The following SLC12A8 variants were observed in gnomAD, a reference collection of about 807,000 sequenced individuals.
SLC12A8 encodes cation-chloride cotransporter 9.
In SLC12A8, 69 loss-of-function variants were observed where a neutral mutation model predicts 75.6. The ratio of observed to expected loss-of-function variants is 0.91; its 90% CI spans 0.75 to 1.11. The LOEUF (loss-of-function observed/expected upper bound fraction) is 1.11. Ranked by LOEUF, SLC12A8 falls within the 50% of genes most tolerant of loss-of-function variation. The pLI is 0.00. For missense variants in SLC12A8, 877 were observed against 896.7 expected (o/e 0.98, Z 0.28); for synonymous variants, 365 against 372.8 (o/e 0.98, Z 0.24).
At chr3:125,167,116 G>A (rs1247875624) in intron 5 of SLC12A8, among the ~76,000 whole-genome samples, 1 of 151,758 alleles carries the variant, frequency 6.6e-6, no homozygotes, top group African/African-American at 2.4e-5. Flanking sequence ...ACTCTTTCCT[G>A]TATACTTGAA....
chr3:125,207,881 A>T (rs1397525806), intron 2 of SLC12A8, among the ~76,000 whole-genome samples: 1 of 152,180 alleles, frequency 6.6e-6, no homozygotes, highest in Non-Finnish European at 1.5e-5. Context: ...CCAATCATCA[A>T]ATGAGCATTT....
intron 2 of SLC12A8, among the ~76,000 whole-genome samples, chr3:125,207,596 C>T (rs374523313): frequency 1.3e-5 from 2 of 152,220 alleles, no homozygotes; most frequent in African/African-American, 4.8e-5. Flanking sequence ...ACGCTAAGAG[C>T]ATGAGATTCT....
At chr3:125,204,260 A>T (rs377246639) in intron 2 of SLC12A8, among the ~76,000 whole-genome samples, 6 of 152,368 alleles carry the variant, frequency 3.9e-5, no homozygotes, top group African/African-American at 1.4e-4. Flanking sequence ...GGAAATGAGT[A>T]TATCAAAGGG....
chr3:125,172,870 T>C (rs1307208933), intron 5 of SLC12A8, among the ~76,000 whole-genome samples: 1 of 152,176 alleles, frequency 6.6e-6, no homozygotes, highest in African/African-American at 2.4e-5. Flanking sequence ...TTAAAAAAAC[T>C]TTTTTTCTGA....
At chr3:125,199,492 A>T (rs1332039018) in intron 2 of SLC12A8, among the ~76,000 whole-genome samples, 1 of 152,166 alleles carries the variant, frequency 6.6e-6, no homozygotes, top group African/African-American at 2.4e-5. Flanking sequence ...CTGTAATTCC[A>T]ACACTTTAGG....
chr3:125,153,424 C>T (rs1933977843), intron 5 of SLC12A8, among the ~76,000 whole-genome samples: 1 of 152,186 alleles, frequency 6.6e-6, no homozygotes. Flanking sequence ...ATATCTGATG[C>T]CTTGTTTTGT....
chr3:125,159,221 A>G (rs1934110733), intron 5 of SLC12A8, among the ~76,000 whole-genome samples: 1 of 152,174 alleles, frequency 6.6e-6, no homozygotes, highest in Non-Finnish European at 1.5e-5. Flanking sequence ...GAATACATGT[A>G]CCTAATTTCG....
chr3:125,114,968 C>T (rs1337093572), intron 8 of SLC12A8, among the ~76,000 whole-genome samples: 2 of 152,144 alleles, frequency 1.3e-5, no homozygotes, highest in African/African-American at 4.8e-5. Context: ...TCTGGCTTTT[C>T]TATTAAATAT....
chr3:125,156,756 GGACAATTGC>G (rs1934060151), intron 5 of SLC12A8, among the ~76,000 whole-genome samples: 1 of 152,170 alleles, frequency 6.6e-6, no homozygotes, highest in Admixed American at 6.5e-5. Flanking sequence ...TCTCTAGACT[GGACAATTGC>G]AACCACGTTT....
chr3:125,197,929 G>A (rs140058554), intron 2 of SLC12A8, among the ~76,000 whole-genome samples: 1 of 152,320 alleles, frequency 6.6e-6, no homozygotes, highest in East Asian at 1.9e-4. Context: ...TAGTCTCAAA[G>A]CATCTACAAA....
At chr3:125,091,373 C>A in intron 12 of SLC12A8, 66 bp downstream of exon 12, 1 of 1,060,538 alleles carries the variant, frequency 9.4e-7, no homozygotes, top group Non-Finnish European at 1.5e-6. Context: ...TATTCAAAAT[C>A]TTTTTTTTCC....
In SLC12A8 at chr3:125,115,754, T is replaced by A. The variant is rs1470435509; in HGVS notation, c.912+3015A>T. On this transcript the variant is annotated intron_variant, in intron 8 of 13. Transcript: ENST00000469902. ...GAGAGGAGTGCATTTGGGAGCTGCTTGTGAACGAGCGCCAAGGAGAGTATG... is the reference window on the plus strand; with the variant it reads ...GAGAGGAGTGCATTTGGGAGCTGCTAGTGAACGAGCGCCAAGGAGAGTATG... Among the ~76,000 whole-genome samples, 4 of 151,202 alleles carry A rather than the reference T, an allele frequency of 2.6e-5. No homozygotes were observed. The East Asian group carries it at 7.8e-4, about 30-fold the overall frequency.
chr3:125,175,878 C>T (rs953957737), intron 5 of SLC12A8, among the ~76,000 whole-genome samples: 1 of 152,186 alleles, frequency 6.6e-6, no homozygotes, highest in Non-Finnish European at 1.5e-5. Context: ...TAGAGTGGGC[C>T]CTGGGGTTAA....
At chr3:125,153,312 C>A (rs1046258657) in intron 5 of SLC12A8, among the ~76,000 whole-genome samples, 5 of 152,224 alleles carry the variant, frequency 3.3e-5, no homozygotes, top group Non-Finnish European at 7.3e-5. Context: ...ATGACCTCTG[C>A]ATTTCCTACT....
chr3:125,099,735 C>T (rs1181869294), intron 10 of SLC12A8, among the ~76,000 whole-genome samples: 1 of 152,116 alleles, frequency 6.6e-6, no homozygotes, highest in Non-Finnish European at 1.5e-5. Context: ...TTGAGACCAG[C>T]CTGGCCAACA....
chr3:125,136,978 G>C (rs193189906), intron 5 of SLC12A8, among the ~76,000 whole-genome samples: 2 of 152,174 alleles, frequency 1.3e-5, no homozygotes, highest in Non-Finnish European at 2.9e-5. Context: ...TGTCGTCCAA[G>C]AGAAGCCAAT....
chr3:125,188,663 A>G (rs1934846566), intron 3 of SLC12A8, among the ~76,000 whole-genome samples: 2 of 152,240 alleles, frequency 1.3e-5, no homozygotes, highest in Admixed American at 1.3e-4. Flanking sequence ...CCTGATAGTC[A>G]AGACTTCATG....
chr3:125,147,500 G>C (rs555529051), intron 5 of SLC12A8, among the ~76,000 whole-genome samples: 3 of 151,998 alleles, frequency 2.0e-5, no homozygotes, highest in Non-Finnish European at 4.4e-5. Context: ...AGTGAGGTGT[G>C]TTTGTACCAT....
intron 6 of SLC12A8, among the ~76,000 whole-genome samples, chr3:125,127,098 C>T (rs1365755922): frequency 6.6e-6 from 1 of 152,248 alleles, no homozygotes; most frequent in Non-Finnish European, 1.5e-5. Context: ...ATGGGCTCTG[C>T]TCCTTACTCA....
Sources: gnomAD v4.1 joint callset for allele counts (sites outside exome capture counted in the v4.1 genomes callset) on GRCh38, gnomAD v4.1.1 for gene constraint, MANE v1.5 for transcripts, NCBI Gene and HGNC (gene_info 2026-07-23, HGNC 2026-07-21) for gene names.